The following DLEU7 variants were observed in gnomAD, a reference collection of about 807,000 sequenced individuals.
The protein encoded by DLEU7 is deleted in lymphocytic leukemia 7, also known as leukemia-associated protein 7.
In DLEU7, 17 loss-of-function variants were observed where a neutral mutation model predicts 16.0. The ratio of observed to expected loss-of-function variants is 1.06; its 90% CI spans 0.73 to 1.59. The LOEUF (loss-of-function observed/expected upper bound fraction) is 1.59. Among genes scored for constraint, DLEU7 ranks in the 40% most tolerant of loss-of-function variants. The pLI is 0.00. For missense variants in DLEU7, 308 were observed against 314.9 expected (o/e 0.98, Z 0.17); for synonymous variants, 113 against 139.8 (o/e 0.81, Z 1.35).
intron 1 of DLEU7, among the ~76,000 whole-genome samples, chr13:50,738,993 ACACACACACACG>A (rs1356052771): frequency 3.8e-5 from 4 of 104,428 alleles, no homozygotes; most frequent in African/African-American, 6.1e-5. Flanking sequence ...ACACACACAC[ACACACACACACG>A]CACACACACA....
At chr13:50,792,932 T>C (rs755484337) in intron 1 of DLEU7, among the ~76,000 whole-genome samples, 34 of 152,120 alleles carry the variant, frequency 2.2e-4, no homozygotes, top group Admixed American at 1.6e-3. Flanking sequence ...CAAATTATAT[T>C]GTGTGATGCC....
chr13:50,764,355 T>C (rs1326891500), intron 1 of DLEU7, among the ~76,000 whole-genome samples: 2 of 152,218 alleles, frequency 1.3e-5, no homozygotes, highest in Non-Finnish European at 2.9e-5. Context: ...AAAAATAATA[T>C]AGTTCCACCA....
At chr13:50,733,391 C>T (rs1873975449) in intron 1 of DLEU7, among the ~76,000 whole-genome samples, 1 of 152,204 alleles carries the variant, frequency 6.6e-6, no homozygotes, top group African/African-American at 2.4e-5. Context: ...TTTAGAATTA[C>T]TATCCATACT....
intron 1 of DLEU7, among the ~76,000 whole-genome samples, chr13:50,835,565 G>A (rs970400221): frequency 7.2e-5 from 11 of 152,186 alleles, no homozygotes; most frequent in Admixed American, 2.0e-4. Flanking sequence ...TCCCTGCAGC[G>A]TAATTGAGAG....
chr13:50,807,222 A>G (rs1445739619), intron 1 of DLEU7, among the ~76,000 whole-genome samples: 1 of 152,078 alleles, frequency 6.6e-6, no homozygotes, highest in Non-Finnish European at 1.5e-5. Flanking sequence ...GCTTTAGTAG[A>G]TGAGCAGAAA....
chr13:50,756,762 A>T (rs181662552), intron 1 of DLEU7, among the ~76,000 whole-genome samples: 1 of 151,988 alleles, frequency 6.6e-6, no homozygotes. Flanking sequence ...AATTTTTTCA[A>T]ATTTCAGCTG....
intron 1 of DLEU7, among the ~76,000 whole-genome samples, chr13:50,791,268 T>G (rs1183185427): frequency 1.3e-5 from 2 of 152,104 alleles, no homozygotes; most frequent in Non-Finnish European, 2.9e-5. Flanking sequence ...GTTGTACACA[T>G]GCAGGGGCAC....
chr13:50,822,830 T>C (rs2137801428), downstream of DLEU7: 1 of 987,430 alleles, frequency 1.0e-6, no homozygotes, highest in African/African-American at 1.7e-5. Context: ...CCTACAAAGA[T>C]CGTTCTTATA....
intron 1 of DLEU7, among the ~76,000 whole-genome samples, chr13:50,783,442 T>G (rs1007551893): frequency 6.6e-6 from 1 of 152,210 alleles, no homozygotes; most frequent in Non-Finnish European, 1.5e-5. Context: ...TCTGGCCAAC[T>G]GGAAGCCTTG....
intron 1 of DLEU7, among the ~76,000 whole-genome samples, chr13:50,746,946 G>T (rs1874414634): frequency 8.2e-6 from 1 of 122,488 alleles, no homozygotes; most frequent in South Asian, 3.8e-4. Flanking sequence ...GCATCTGCTT[G>T]TGGAACGTAC....
intron 1 of DLEU7, among the ~76,000 whole-genome samples, chr13:50,751,400 T>G (rs532932740): frequency 6.6e-6 from 1 of 152,290 alleles, no homozygotes; most frequent in Non-Finnish European, 1.5e-5. Flanking sequence ...TCTTTTTTGG[T>G]TATGTCCTTT....
intron 1 of DLEU7, among the ~76,000 whole-genome samples, chr13:50,729,917 T>A (rs1315660672): frequency 3.3e-5 from 5 of 152,142 alleles, no homozygotes; most frequent in Admixed American, 6.5e-5. Context: ...TCCCTGAAAC[T>A]TAACTTATCG....
At chr13:50,774,088 A>G (rs766873267) in intron 1 of DLEU7, among the ~76,000 whole-genome samples, 1 of 151,896 alleles carries the variant, frequency 6.6e-6, no homozygotes, top group Non-Finnish European at 1.5e-5. Flanking sequence ...GCGGGGTGTA[A>G]TTTCCTGGTG....
At chr13:50,721,601 A>G (rs1873616372) in intron 1 of DLEU7, among the ~76,000 whole-genome samples, 2 of 152,210 alleles carry the variant, frequency 1.3e-5, no homozygotes, top group South Asian at 4.1e-4. Context: ...TAAAAATAAT[A>G]CAAAATTATA....
chr13:50,782,439 C>T (rs1875680316), intron 1 of DLEU7, among the ~76,000 whole-genome samples: 1 of 152,248 alleles, frequency 6.6e-6, no homozygotes, highest in African/African-American at 2.4e-5. Flanking sequence ...TAGCCATAAC[C>T]AAAACTTTAG....
At chr13:50,804,111 G>A (rs983657332) in intron 1 of DLEU7, among the ~76,000 whole-genome samples, 1 of 152,016 alleles carries the variant, frequency 6.6e-6, no homozygotes, top group African/African-American at 2.4e-5. Flanking sequence ...TAATTGAAAT[G>A]TCATCACGTC....
rs367893437 is a variant in DLEU7 at position 50,837,166 on chromosome 13, A to C, written c.459+6022T>G. Reference sequence around the variant, plus strand: ...TTTTTACTTGTGGTGTACCTACTGGAAATGCGCACAAATAACTAAGGCTCC... The same window carrying C: ...TTTTTACTTGTGGTGTACCTACTGGCAATGCGCACAAATAACTAAGGCTCC... On this transcript the variant is annotated intron_variant, in intron 1 of 1. Transcript: ENST00000504404. Among the ~76,000 whole-genome samples, 15 of 152,314 alleles carry C rather than the reference A, an allele frequency of 9.8e-5. No homozygotes were observed. In the East Asian group the frequency reaches 1.4e-3, roughly 14 times the overall value.
chr13:50,801,848 T>C (rs73186332), intron 1 of DLEU7, among the ~76,000 whole-genome samples: 31,436 of 152,048 alleles, frequency 0.21, 3,989 homozygotes, highest in Non-Finnish European at 0.29. Flanking sequence ...CAATTGCCAA[T>C]AGATTTATTA....
intron 1 of DLEU7, among the ~76,000 whole-genome samples, chr13:50,736,714 T>C (rs1000151143): frequency 6.6e-6 from 1 of 151,690 alleles, no homozygotes; most frequent in Admixed American, 6.6e-5. Flanking sequence ...AGGAAAGAAA[T>C]TTAGCAGAGC....
Sources: gnomAD v4.1 joint callset for allele counts (sites outside exome capture counted in the v4.1 genomes callset) on GRCh38, gnomAD v4.1.1 for gene constraint, MANE v1.5 for transcripts, NCBI Gene and HGNC (gene_info 2026-07-23, HGNC 2026-07-21) for gene names.